RAC1: variants seen among roughly 807,000 people sequenced by gnomAD.
RAC1 encodes Rac family small GTPase 1, also known as ras-related C3 botulinum toxin substrate 1.
RAC1 carries 2 observed loss-of-function variants against 25.2 expected under a neutral mutation model. The ratio of observed to expected loss-of-function variants is 0.08; its 90% confidence interval spans 0.03 to 0.25. The LOEUF is 0.25. Ranked by LOEUF, RAC1 falls within the 10% of genes least tolerant of loss-of-function variation. The pLI is 1.00. For synonymous variants in RAC1, 88 were observed against 94.0 expected, an observed-to-expected ratio of 0.94 and a Z score of 0.37; for missense variants, 50 against 235.7, an observed-to-expected ratio of 0.21 and a Z score of 5.16.
chr7:6,398,695 C>A, intron 3 of RAC1: 1 of 1,613,622 alleles, frequency 6.2e-7, no homozygotes, highest in Non-Finnish European at 8.5e-7. Flanking sequence ...TATAACCTCC[C>A]GGGGCAAAGA....
At chr7:6,393,789 G>A (rs1187381881) in intron 3 of RAC1, among the ~76,000 whole-genome samples, 1 of 152,144 alleles carries the variant, frequency 6.6e-6, no homozygotes, top group East Asian at 1.9e-4. Flanking sequence ...AAGGGGGTGA[G>A]CCGGGCGCTT....
chr7:6,380,816 G>A (rs1782742025), intron 1 of RAC1, among the ~76,000 whole-genome samples: 1 of 152,122 alleles, frequency 6.6e-6, no homozygotes, highest in Non-Finnish European at 1.5e-5. Flanking sequence ...CCTGTTATCA[G>A]AGGGAACCTT....
chr7:6,391,196 C>G (rs891396746), intron 2 of RAC1, among the ~76,000 whole-genome samples: 2 of 152,014 alleles, frequency 1.3e-5, no homozygotes, highest in African/African-American at 4.8e-5. Flanking sequence ...CCGTGCCCAG[C>G]CTCTGCTTTT....
chr7:6,391,788 C>T, intron 2 of RAC1, 136 bp from the exon 3 acceptor site: 1 of 1,389,860 alleles, frequency 7.2e-7, no homozygotes, highest in Non-Finnish European at 9.6e-7. Flanking sequence ...CCTCCTTGTG[C>T]CTGCAGGGAC....
intron 2 of RAC1, among the ~76,000 whole-genome samples, chr7:6,390,939 C>T (rs966445064): frequency 6.6e-6 from 1 of 152,060 alleles, no homozygotes; most frequent in East Asian, 1.9e-4. Context: ...CACTTGTTGC[C>T]CAGGCCGGAG....
intron 2 of RAC1, among the ~76,000 whole-genome samples, chr7:6,390,560 A>G (rs933790414): frequency 5.9e-5 from 9 of 151,738 alleles, no homozygotes; most frequent in African/African-American, 2.2e-4. Context: ...AGATCGCACC[A>G]CTGCACTCCA....
At chr7:6,391,801 T>G in intron 2 of RAC1, 123 bp from the exon 3 acceptor site, 2 of 1,477,618 alleles carry the variant, frequency 1.4e-6, no homozygotes, top group Non-Finnish European at 1.8e-6. Flanking sequence ...GCAGGGACAT[T>G]TGCTGGTGTG....
Position 6,403,057 on chromosome 7 carries a change from C to G in RAC1, c.*611C>G. 5.0e-6 allele frequency: 1 copy of G among 199,736 alleles called. No homozygotes were observed. Among genetic ancestry groups the G allele is most frequent in the East Asian group, 7.7e-5 (1 of 12,964 alleles). The allele number at this position is 199,736 out of a possible 1,614,324, so 12.4% of individuals were successfully genotyped here. On this transcript the variant is annotated 3_prime_UTR_variant, in exon 6 of 6. Transcript: ENST00000348035. ...GTGATTTCATAGCGAGTTTTCTGAC[C>G]AGCTTTTGCGGAGATTTTGAACAGA...
At chr7:6,385,536 C>T (rs748881858) in intron 1 of RAC1, among the ~76,000 whole-genome samples, 2 of 152,174 alleles carry the variant, frequency 1.3e-5, no homozygotes, top group Non-Finnish European at 2.9e-5. Flanking sequence ...AAGCTTTTAA[C>T]GAAATGTATG....
At chr7:6,389,974 T>C (rs1057064508) in intron 2 of RAC1, among the ~76,000 whole-genome samples, 13 of 137,424 alleles carry the variant, frequency 9.5e-5, no homozygotes, top group South Asian at 2.8e-4. Context: ...TCCCTTCCTT[T>C]CTTCCCTCCC....
At chr7:6,390,496 A>G (rs765178388) in intron 2 of RAC1, among the ~76,000 whole-genome samples, 21 of 151,944 alleles carry the variant, frequency 1.4e-4, no homozygotes, top group Non-Finnish European at 2.5e-4. Context: ...GCTCCTCAGG[A>G]GGCTGAGGCA....
Position 6,400,109 on chromosome 7 carries a change from G to C in RAC1, c.226-17G>C, listed in dbSNP as rs199797767. On this transcript the variant is annotated splice_polypyrimidine_tract_variant and intron_variant, in intron 3 of 5. Coordinates refer to ENST00000348035, the MANE Select transcript of RAC1 (RefSeq NM_006908.5). ...AAGGTTGTTGTCTAAATGTTTCCCT[G>C]TGTTTCCTTTTTGTAGGATGTGTTC... The C allele has an allele frequency of 1.2e-6, 2 of 1,602,156 alleles. No homozygotes were observed. Among genetic ancestry groups the C allele is most frequent in the African/African-American group, 1.3e-5 (1 of 74,734 alleles).
At chr7:6,387,730 GA>G (rs563081278) in intron 2 of RAC1, among the ~76,000 whole-genome samples, 76 of 133,092 alleles carry the variant, frequency 5.7e-4, no homozygotes, top group East Asian at 6.6e-4. Flanking sequence ...CATCTCAAAA[GA>G]AAAAAAAAAA....
rs746992119 is a variant in RAC1, at chr7:6,392,029, C to T, written c.213C>T (p.Ser71=). ...QEDYDRLRPL[S]YPQTDVFLIC... is the part of the protein sequence containing the mutation. Reference sequence around the variant, plus strand: ...ATTATGACAGATTACGCCCCCTATCCTATCCGCAAACAGTAAGGATTGCAG... The same window carrying T: ...ATTATGACAGATTACGCCCCCTATCTTATCCGCAAACAGTAAGGATTGCAG... Residue 71 remains serine (S), a synonymous_variant, in exon 3 of 6, where the codon TCC becomes TCT. Coordinates refer to ENST00000348035, the MANE Select transcript of RAC1 (RefSeq NM_006908.5). 7 of 1,614,200 alleles carry T rather than the reference C, an allele frequency of 4.3e-6. No individual in the cohort carries two copies. The highest frequency in any genetic ancestry group is 3.4e-6 in the Non-Finnish European group (4 of 1,180,036).
In RAC1 at chr7:6,391,954, A is replaced by G; in HGVS notation, c.138A>G (p.Val46=). Residue 46 remains valine (V), a synonymous_variant, in exon 3 of 6, where the codon GTA becomes GTG. Transcript: ENST00000348035. The stretch of plus-strand genomic sequence containing the variant: ...ACAATTATTCTGCCAATGTTATGGT[A>G]GATGGAAAACCGGTGAATCTGGGCT... ...VFDNYSANVM[V]DGKPVNLGLW... 1 of 1,614,108 alleles carries G rather than the reference A, an allele frequency of 6.2e-7. No individual in the cohort carries two copies. The highest frequency in any genetic ancestry group is 8.5e-7 in the Non-Finnish European group (1 of 1,179,950).
Position 6,402,649 on chromosome 7 carries a change from A to G in RAC1, c.*203A>G. ...TTAAGGTTTTGTTTGTTCTAAATGT[A>G]AGAGTTCAGACTCACATTCTATTAA... is the stretch of plus-strand genomic sequence containing the variant. On this transcript the variant is annotated 3_prime_UTR_variant, in exon 6 of 6. Coordinates refer to ENST00000348035, the MANE Select transcript of RAC1 (RefSeq NM_006908.5). The G allele has an allele frequency of 2.1e-6, 1 of 477,196 alleles. No individual in the cohort carries two copies. Among genetic ancestry groups the G allele is most frequent in the Non-Finnish European group, 3.4e-6 (1 of 290,626 alleles). 29.6% of individuals were successfully genotyped at this position (477,196 alleles called of 1,614,324 possible). A position where few individuals can be genotyped will look rare whatever the true frequency, so the allele number is the denominator to read the frequency against.
At chr7:6,384,593 T>G (rs1247066527) in intron 1 of RAC1, among the ~76,000 whole-genome samples, 2 of 152,250 alleles carry the variant, frequency 1.3e-5, no homozygotes, top group East Asian at 3.9e-4. Context: ...TCCTCTTGCT[T>G]CAGCCTCCTG....
intron 1 of RAC1, among the ~76,000 whole-genome samples, chr7:6,379,444 C>A (rs567813050): frequency 5.9e-5 from 9 of 152,000 alleles, no homozygotes; most frequent in East Asian, 1.9e-4. Flanking sequence ...TGACTAATTT[C>A]GTATTTTTAA....
intron 3 of RAC1, among the ~76,000 whole-genome samples, chr7:6,396,669 C>T (rs1355080595): frequency 6.6e-6 from 1 of 152,162 alleles, no homozygotes; most frequent in Non-Finnish European, 1.5e-5. Context: ...GACAAATCTT[C>T]AACAGTAGCC....
Sources: gnomAD v4.1 joint callset for allele counts (sites outside exome capture counted in the v4.1 genomes callset) on GRCh38, gnomAD v4.1.1 for gene constraint, MANE v1.5 for transcripts, NCBI Gene and HGNC (gene_info 2026-07-23, HGNC 2026-07-21) for gene names.